The following GPR89B variants were observed in gnomAD, a reference collection of about 807,000 sequenced individuals.
GPR89B encodes the protein G protein-coupled receptor 89B.
GPR89B carries 25 observed loss-of-function variants against 52.4 expected under a neutral mutation model. The observed-to-expected ratio is 0.48, with a 90% CI of 0.35 to 0.67. The LOEUF is 0.67. Ranked by LOEUF, GPR89B falls within the 30% of genes least tolerant of loss-of-function variation. The pLI is 0.01. For missense variants in GPR89B, 146 were observed against 450.2 expected (o/e 0.32, Z 6.11); for synonymous variants, 52 against 151.2 (o/e 0.34, Z 4.81).
chr1:148,015,983 C>T, the GPR89B span, among the ~76,000 whole-genome samples: 11 of 151,808 alleles, frequency 7.2e-5, no homozygotes, highest in South Asian at 6.2e-4. Flanking sequence ...TATTAAACCT[C>T]GCCTTCTGGC....
At chr1:147,945,741 T>G (rs1454220575) in intron 5 of GPR89B, among the ~76,000 whole-genome samples, 1 of 151,304 alleles carries the variant, frequency 6.6e-6, no homozygotes, top group Non-Finnish European at 1.5e-5. Flanking sequence ...TTTTTTTTTC[T>G]TTTTGAGACA....
Position 147,985,125 on chromosome 1 carries a change from A to G in GPR89B, c.910-1074A>G, listed in dbSNP as rs1280190534. ...TATTTCTGTCAGTTTTGCTTTACGT[A>G]TTTTGAAGCTCTGTCATTAGGTATA... On this transcript the variant is annotated intron_variant, in intron 10 of 13. Transcript: ENST00000314163. 3.6e-4 allele frequency among the ~76,000 whole-genome samples: 55 copies of G among 152,226 alleles called. 1 individual carries two copies. The East Asian group carries it at 8.5e-3, about 24-fold the overall frequency.
At chr1:147,934,528 TTGAC>T (rs1447419083) in intron 1 of GPR89B, among the ~76,000 whole-genome samples, 1 of 152,116 alleles carries the variant, frequency 6.6e-6, no homozygotes, top group African/African-American at 2.4e-5. Context: ...GTGGAAACCT[TTGAC>T]TGTGTGATGA....
chr1:148,010,687 T>G, the GPR89B span: 1 of 152,210 alleles, frequency 6.6e-6, no homozygotes, highest in African/African-American at 2.4e-5. Context: ...CACCAAGGCA[T>G]GGGTTGGCAA....
intron 1 of GPR89B, 120 bp from the exon 2 acceptor site, chr1:147,936,507 T>C (rs1437984328): frequency 1.4e-6 from 1 of 713,628 alleles, no homozygotes; most frequent in African/African-American, 1.7e-5. Context: ...GTGGATCTTA[T>C]CTTTAATCCC....
intron 10 of GPR89B, among the ~76,000 whole-genome samples, chr1:147,979,207 G>C (rs1481479020): frequency 6.6e-6 from 1 of 151,958 alleles, no homozygotes; most frequent in Non-Finnish European, 1.5e-5. Context: ...AGAGAACCTG[G>C]TTACCTCAGC....
At chr1:147,945,512 T>G (rs1571239741) in intron 5 of GPR89B, among the ~76,000 whole-genome samples, 1 of 152,212 alleles carries the variant, frequency 6.6e-6, no homozygotes, top group East Asian at 1.9e-4. Flanking sequence ...ATATGCAGTT[T>G]TGAAAAGCAT....
Position 147,972,312 on chromosome 1 carries a change from G to A in GPR89B, c.909+2353G>A, listed in dbSNP as rs1386165861. 7.3e-5 allele frequency among the ~76,000 whole-genome samples: 11 copies of A among 151,428 alleles called. 1 individual carries two copies. The highest frequency in any genetic ancestry group is 2.1e-4 in the South Asian group (1 of 4,816). On this transcript the variant is annotated intron_variant, in intron 10 of 13. Transcript: ENST00000314163. ...CTTGTGTACAATTTTTTGTATAGAC[G>A]TGTGCTGTCTTTCTCTTGAGTAGGC... is the stretch of plus-strand genomic sequence containing the variant.
chr1:147,969,754 A>G (rs1449962113), intron 9 of GPR89B, 113 bp from the exon 10 acceptor site: 1 of 1,486,318 alleles, frequency 6.7e-7, no homozygotes, highest in Non-Finnish European at 9.0e-7. Flanking sequence ...TATTATTGCA[A>G]TGTATGGTTT....
intron 7 of GPR89B, among the ~76,000 whole-genome samples, chr1:147,957,286 C>T (rs1173450172): frequency 2.6e-5 from 4 of 152,172 alleles, no homozygotes; most frequent in African/African-American, 7.2e-5. Context: ...AATCCTTGAT[C>T]TACAACTTAA....
At chr1:147,948,785 TC>T (rs1655231565) in intron 5 of GPR89B, among the ~76,000 whole-genome samples, 1 of 147,738 alleles carries the variant, frequency 6.8e-6, no homozygotes, top group African/African-American at 2.5e-5. Context: ...TTTTAATTGA[TC>T]ATTCTTGGGT....
At chr1:148,009,317 C>A in the GPR89B span, 1 of 1,601,196 alleles carries the variant, frequency 6.2e-7, no homozygotes, top group Non-Finnish European at 8.5e-7. Context: ...GCCCCTGCCT[C>A]CCCCTGCTCC....
intron 3 of GPR89B, among the ~76,000 whole-genome samples, chr1:147,939,986 TAA>T (rs1190799584): frequency 6.6e-6 from 1 of 151,254 alleles, no homozygotes; most frequent in Non-Finnish European, 1.5e-5. Context: ...CCCCATCTCT[TAA>T]AAAAAAGAGT....
the GPR89B span, among the ~76,000 whole-genome samples, chr1:148,013,581 C>T: frequency 6.6e-6 from 1 of 152,010 alleles, no homozygotes; most frequent in Non-Finnish European, 1.5e-5. Flanking sequence ...AGGATAATGC[C>T]TCCCGTTCCC....
chr1:147,983,508 T>C (rs1158122308), intron 10 of GPR89B, among the ~76,000 whole-genome samples: 1 of 152,104 alleles, frequency 6.6e-6, no homozygotes, highest in African/African-American at 2.4e-5. Flanking sequence ...CATCAAAAAG[T>C]TGGCGAAGGA....
At chr1:147,982,925 A>C (rs1481202263) in intron 10 of GPR89B, among the ~76,000 whole-genome samples, 1 of 151,930 alleles carries the variant, frequency 6.6e-6, no homozygotes, top group Non-Finnish European at 1.5e-5. Context: ...ATGGGAGTTC[A>C]CTCATGATTT....
the GPR89B span, among the ~76,000 whole-genome samples, chr1:148,007,234 C>T: frequency 2.5e-4 from 37 of 148,430 alleles, no homozygotes; most frequent in Non-Finnish European, 5.1e-4. Flanking sequence ...CACCACCACA[C>T]CCGGCTAATT....
In GPR89B at chr1:147,936,676, A is replaced by G; in HGVS notation, c.92A>G (p.Lys31Arg). The G allele has an allele frequency of 6.2e-7, 1 of 1,610,256 alleles. No homozygotes were observed. The highest frequency in any genetic ancestry group is 1.3e-5 in the African/African-American group (1 of 74,946). ...CTTTTCTTCATGCGCCAATTGTTTA[A>G]AGACTATGAGGTGAGAAGAAATCAT... ...GWLFFMRQLF[K>R]DYEIRQYVVQ... The change falls in exon 2 of 14, where the codon AAA (lysine) becomes AGA (arginine). Residue 31 changes from lysine to arginine, a missense_variant. Transcript: ENST00000314163.
At chr1:147,963,927 C>G (rs1656829771) in intron 7 of GPR89B, among the ~76,000 whole-genome samples, 2 of 152,156 alleles carry the variant, frequency 1.3e-5, no homozygotes, top group South Asian at 2.1e-4. Flanking sequence ...AAAAGAATCC[C>G]CAAAGAATAT....
Sources: gnomAD v4.1 joint callset for allele counts (sites outside exome capture counted in the v4.1 genomes callset) on GRCh38, gnomAD v4.1.1 for gene constraint, MANE v1.5 for transcripts, NCBI Gene and HGNC (gene_info 2026-07-23, HGNC 2026-07-21) for gene names.